The following CNTN4 variants were observed in gnomAD, a reference collection of about 807,000 sequenced individuals.
CNTN4 encodes the protein contactin-4.
In CNTN4, 77 loss-of-function variants were observed where a neutral mutation model predicts 122.5. The observed-to-expected ratio is 0.63, with a 90% CI of 0.52 to 0.76. The LOEUF is 0.76. Among genes scored for constraint, CNTN4 ranks in the 30% least tolerant of loss-of-function variants. The pLI is 0.00. For missense variants in CNTN4, 1,256 were observed against 1,259.1 expected, an observed-to-expected ratio of 1.00 and a Z score of 0.04; for synonymous variants, 512 against 447.0, an observed-to-expected ratio of 1.15 and a Z score of -1.83.
chr3:2,257,726 A>C (rs2040657370), intron 2 of CNTN4, among the ~76,000 whole-genome samples: 1 of 152,196 alleles, frequency 6.6e-6, no homozygotes, highest in African/African-American at 2.4e-5. Flanking sequence ...TCAAAACCAC[A>C]ATGAGATACC....
chr3:2,629,352 AC>A (rs1576280763), intron 4 of CNTN4, among the ~76,000 whole-genome samples: 1 of 152,158 alleles, frequency 6.6e-6, no homozygotes, highest in East Asian at 1.9e-4. Flanking sequence ...TGTTTCAGCA[AC>A]CCACTAGCTG....
At chr3:2,400,404 A>AAAATATATAT (rs1553640863) in intron 3 of CNTN4, among the ~76,000 whole-genome samples, 1 of 91,438 alleles carries the variant, frequency 1.1e-5, no homozygotes, top group Admixed American at 1.3e-4. Flanking sequence ...TATGTGTGTG[A>AAAATATATAT]ATATATATAT....
chr3:2,890,491 T>G (rs982822005), intron 10 of CNTN4, among the ~76,000 whole-genome samples: 2 of 152,242 alleles, frequency 1.3e-5, no homozygotes, highest in Non-Finnish European at 2.9e-5. Context: ...AGAAACCTGC[T>G]TCTTTGGGTT....
At chr3:2,368,026 CTTCTT>C (rs1442050233) in intron 3 of CNTN4, among the ~76,000 whole-genome samples, 1 of 122,094 alleles carries the variant, frequency 8.2e-6, no homozygotes, top group African/African-American at 3.6e-5. Flanking sequence ...AGCTAGAAAA[CTTCTT>C]TTTTTTTTTT....
chr3:2,905,978 G>T (rs1349852492), intron 12 of CNTN4, among the ~76,000 whole-genome samples: 1 of 152,226 alleles, frequency 6.6e-6, no homozygotes, highest in Non-Finnish European at 1.5e-5. Context: ...TTTGGTATAT[G>T]TGAACACAGT....
intron 3 of CNTN4, among the ~76,000 whole-genome samples, chr3:2,464,412 C>T (rs1430830658): frequency 6.6e-6 from 1 of 152,150 alleles, no homozygotes; most frequent in Non-Finnish European, 1.5e-5. Flanking sequence ...TCTACCTGAA[C>T]CATTGCCTCT....
intron 3 of CNTN4, among the ~76,000 whole-genome samples, chr3:2,499,049 A>G (rs1047894869): frequency 1.3e-5 from 2 of 152,142 alleles, no homozygotes; most frequent in African/African-American, 2.4e-5. Context: ...TCAGCTTCCC[A>G]AAGTGCTGGG....
chr3:2,648,250 T>C (rs1477399452), intron 4 of CNTN4, among the ~76,000 whole-genome samples: 2 of 152,210 alleles, frequency 1.3e-5, no homozygotes, highest in African/African-American at 4.8e-5. Context: ...CATTTCAGTC[T>C]GGGAAATGAG....
intron 2 of CNTN4, among the ~76,000 whole-genome samples, chr3:2,247,155 C>T (rs1295356623): frequency 1.3e-5 from 2 of 151,900 alleles, no homozygotes; most frequent in Admixed American, 6.6e-5. Context: ...GATGTCATAC[C>T]CAGCGAATTC....
intron 3 of CNTN4, among the ~76,000 whole-genome samples, chr3:2,558,093 ATTAT>A (rs1237640303): frequency 6.6e-6 from 1 of 152,230 alleles, no homozygotes; most frequent in East Asian, 1.9e-4. Context: ...AAGCTAGAAA[ATTAT>A]TTATGCACCA....
intron 3 of CNTN4, among the ~76,000 whole-genome samples, chr3:2,482,457 G>T (rs1022075744): frequency 6.6e-6 from 1 of 152,072 alleles, no homozygotes; most frequent in Non-Finnish European, 1.5e-5. Flanking sequence ...TTTCTGGGGA[G>T]AAATTCAAGC....
intron 2 of CNTN4, among the ~76,000 whole-genome samples, chr3:2,335,649 T>A (rs1173150422): frequency 1.3e-5 from 2 of 151,640 alleles, no homozygotes; most frequent in Non-Finnish European, 2.9e-5. Flanking sequence ...ACTTGAATCA[T>A]CTCTGTTCAT....
At chr3:3,020,569 C>T (rs565037449) in intron 14 of CNTN4, among the ~76,000 whole-genome samples, 15 of 152,276 alleles carry the variant, frequency 9.9e-5, no homozygotes, top group Non-Finnish European at 2.1e-4. Flanking sequence ...GGCATCCCCT[C>T]TCTGAGGGCG....
chr3:2,706,164 A>C lies in CNTN4; in HGVS notation c.56-30051A>C, dbSNP rs577952091. ...AATGACTACAGAAAATCATTTTTAAAATACGCTTTATAGAATAGGGGGAAA... is the reference window on the plus strand; with the variant it reads ...AATGACTACAGAAAATCATTTTTAACATACGCTTTATAGAATAGGGGGAAA... On this transcript the variant is annotated intron_variant, in intron 4 of 24. Coordinates refer to ENST00000418658, the MANE Select transcript of CNTN4 (RefSeq NM_175607.3). Among the ~76,000 whole-genome samples, 7 of 151,532 alleles carry C rather than the reference A, an allele frequency of 4.6e-5. No individual in the cohort carries two copies. The East Asian group carries it at 1.4e-3, about 29-fold the overall frequency.
chr3:2,606,287 T>G (rs1342510040), intron 4 of CNTN4, among the ~76,000 whole-genome samples: 1 of 152,024 alleles, frequency 6.6e-6, no homozygotes, highest in Admixed American at 6.6e-5. Flanking sequence ...TATAACCTAA[T>G]TTGTCTTTGA....
chr3:2,340,474 A>C (rs2044140474), intron 3 of CNTN4, among the ~76,000 whole-genome samples: 1 of 151,060 alleles, frequency 6.6e-6, no homozygotes, highest in African/African-American at 2.4e-5. Flanking sequence ...CCCTCAGTTA[A>C]AAAAAATAAT....
In CNTN4 at chr3:2,217,242, C is replaced by G. The variant is rs143153743; in HGVS notation, c.-145+116603C>G. 2.5e-4 allele frequency among the ~76,000 whole-genome samples: 38 copies of G among 152,234 alleles called. No individual in the cohort carries two copies. In the Middle Eastern group the frequency reaches 0.01, roughly 41 times the overall value. On this transcript the variant is annotated intron_variant, in intron 2 of 24. Transcript: ENST00000418658. ...CTCTTGTCTGCTTTTGGACTTCTGT[C>G]TCTATTTCTAGAAGGTTGTCCTTTA...
intron 16 of CNTN4, 51 bp from the exon 17 acceptor site, chr3:3,034,581 T>C (rs370565263): frequency 3.8e-6 from 6 of 1,585,818 alleles, no homozygotes; most frequent in Non-Finnish European, 5.2e-6. Flanking sequence ...GCTCCTTTAC[T>C]TGGGTGTTTG....
intron 2 of CNTN4, among the ~76,000 whole-genome samples, chr3:2,176,404 T>C (rs1273476652): frequency 6.6e-6 from 1 of 152,184 alleles, no homozygotes; most frequent in Non-Finnish European, 1.5e-5. Context: ...TAAGATTAGC[T>C]TTTGTTTTAA....
Sources: allele counts gnomAD v4.1 joint callset (sites outside exome capture counted in the v4.1 genomes callset), GRCh38; gene constraint gnomAD v4.1.1; transcripts MANE v1.5; gene names NCBI Gene and HGNC (gene_info 2026-07-23, HGNC 2026-07-21).